Variants in YBEY observed in about 807,000 individuals in gnomAD.
YBEY encodes ybeY metalloendoribonuclease.
In YBEY, 15 loss-of-function variants were observed where a neutral mutation model predicts 13.5. The observed-to-expected ratio is 1.11, with a 90% CI of 0.75 to 1.72. The LOEUF is 1.72. YBEY is among the 40% of genes most tolerant of loss of function. The pLI, the probability that YBEY is intolerant of heterozygous loss-of-function variation, is 0.00. For synonymous variants in YBEY, 101 were observed against 83.1 expected (o/e 1.21, Z -1.17); for missense variants, 244 against 208.4 (o/e 1.17, Z -1.05).
At chr21:46,302,388 T>C (rs1266210439), downstream of YBEY, 12 of 1,115,186 alleles carry the variant, frequency 1.1e-5, no homozygotes, top group Non-Finnish European at 1.4e-5. Context: ...GAGCCAGGAA[T>C]GCCCTTTCAG....
At chr21:46,303,385 AAG>A in the YBEY span, among the ~76,000 whole-genome samples, 1 of 151,880 alleles carries the variant, frequency 6.6e-6, no homozygotes, top group Non-Finnish European at 1.5e-5. Flanking sequence ...AGACACCATG[AAG>A]AGAGTGAAAA....
intron 3 of YBEY, 184 bp downstream of exon 3, chr21:46,291,646 G>T: frequency 3.6e-6 from 5 of 1,392,780 alleles, no homozygotes; most frequent in Non-Finnish European, 4.7e-6. Flanking sequence ...CCATGCCACA[G>T]TTGAAGGAGG....
At chr21:46,295,187 T>G (rs1402677695) in intron 3 of YBEY, among the ~76,000 whole-genome samples, 2 of 151,996 alleles carry the variant, frequency 1.3e-5, no homozygotes, top group Non-Finnish European at 2.9e-5. Flanking sequence ...CCCAGAGCCC[T>G]CTCCTTGGGG....
chr21:46,301,670 A>T, downstream of YBEY: 2 of 1,126,406 alleles, frequency 1.8e-6, no homozygotes, highest in Non-Finnish European at 2.2e-6. Context: ...TACCTCCGTG[A>T]TGGAAGAGGG....
chr21:46,294,359 CCCG>C (rs1443770563), intron 3 of YBEY, among the ~76,000 whole-genome samples: 34 of 74,416 alleles, frequency 4.6e-4, no homozygotes, highest in East Asian at 1.1e-3. Context: ...TTAAATTCCT[CCCG>C]CGGTTAGCCT....
intron 3 of YBEY, among the ~76,000 whole-genome samples, chr21:46,294,480 G>A (rs28547218): frequency 0.048 from 890 of 18,484 alleles, 2 homozygotes; most frequent in African/African-American, 0.055. Context: ...GGACAGCCAC[G>A]CAAGTTAGAC....
In YBEY at chr21:46,286,910, T is replaced by C; in HGVS notation, c.-4T>C. ...TTTTTAAAGGGCTGGTTATTCTTCC[T>C]GAAATGAGTTTGGTGATTAGAAATC... On this transcript the variant is annotated 5_prime_UTR_variant, in exon 2 of 5. Transcript: ENST00000397701. The C allele has an allele frequency of 6.2e-7, 1 of 1,613,802 alleles. No homozygotes were observed. Among genetic ancestry groups the C allele is most frequent in the Non-Finnish European group, 8.5e-7 (1 of 1,179,914 alleles).
intron 3 of YBEY, 64 bp from the exon 4 acceptor site, chr21:46,296,098 T>A: frequency 6.3e-6 from 10 of 1,580,344 alleles, no homozygotes; most frequent in South Asian, 1.1e-5. Flanking sequence ...GGCCCTGGGG[T>A]GGCCCTGAAG....
chr21:46,297,115 AT>A (rs1466167897), intron 4 of YBEY, among the ~76,000 whole-genome samples: 4 of 151,826 alleles, frequency 2.6e-5, no homozygotes, highest in Non-Finnish European at 4.4e-5. Flanking sequence ...TCTGGCCAAC[AT>A]GGTGAAACCC....
chr21:46,302,355 C>T, downstream of YBEY: 1 of 1,060,060 alleles, frequency 9.4e-7, no homozygotes, highest in Non-Finnish European at 1.4e-6. Flanking sequence ...GGGATGGGGG[C>T]TTCACAGCCA....
intron 2 of YBEY, among the ~76,000 whole-genome samples, chr21:46,287,328 GGA>G (rs1258079775): frequency 2.0e-5 from 3 of 151,986 alleles, no homozygotes; most frequent in African/African-American, 7.3e-5. Flanking sequence ...CCAGTAGGTG[GGA>G]CCACAGATGC....
chr21:46,298,434 C>CTTTTTTTTTTTTTTTTTTTTTTTTTT (rs557264546), downstream of YBEY, among the ~76,000 whole-genome samples: 136 of 97,136 alleles, frequency 1.4e-3, 35 homozygotes, highest in African/African-American at 1.8e-3. Context: ...TTAATCCAAG[C>CTTTTTTTTTTTTTTTTTTTTTTTTTT]TTTTTTTTTT....
intron 2 of YBEY, among the ~76,000 whole-genome samples, chr21:46,289,533 CCT>C (rs1354604765): frequency 6.6e-6 from 1 of 151,268 alleles, no homozygotes; most frequent in Non-Finnish European, 1.5e-5. Flanking sequence ...GCAACCTCCA[CCT>C]CTCAGGTCCA....
downstream of YBEY, chr21:46,302,643 G>C (rs914056642): frequency 8.0e-7 from 1 of 1,251,104 alleles, no homozygotes; most frequent in African/African-American, 1.5e-5. Context: ...AAGTGATAGA[G>C]CATTATAGGA....
chr21:46,303,758 T>TTA, the YBEY span, among the ~76,000 whole-genome samples: 1 of 93,576 alleles, frequency 1.1e-5, no homozygotes, highest in Non-Finnish European at 2.3e-5. Flanking sequence ...TTTTTTTTTT[T>TTA]TTTTTTTTTT....
chr21:46,296,965 C>T (rs2081972280), intron 4 of YBEY, among the ~76,000 whole-genome samples: 1 of 149,218 alleles, frequency 6.7e-6, no homozygotes, highest in Admixed American at 6.7e-5. Flanking sequence ...CATTGCACTC[C>T]AGCCTGGGCA....
chr21:46,294,418 C>G (rs536403389), intron 3 of YBEY, among the ~76,000 whole-genome samples: 11 of 77,092 alleles, frequency 1.4e-4, no homozygotes, highest in African/African-American at 3.2e-4. Flanking sequence ...AAGTTAAACT[C>G]TAGATTAAAT....
chr21:46,303,708 AATATAT>A, the YBEY span, among the ~76,000 whole-genome samples: 78 of 37,242 alleles, frequency 2.1e-3, no homozygotes, highest in African/African-American at 3.8e-3. Context: ...ACACACACAA[AATATAT>A]ATATATATAT....
chr21:46,292,443 G>C (rs570087163), intron 3 of YBEY, among the ~76,000 whole-genome samples: 2 of 152,306 alleles, frequency 1.3e-5, no homozygotes, highest in Admixed American at 6.5e-5. Flanking sequence ...GAGCAAGGAG[G>C]GGATTCGTTT....
Sources: gnomAD v4.1 joint callset for allele counts (sites outside exome capture counted in the v4.1 genomes callset) on GRCh38, gnomAD v4.1.1 for gene constraint, MANE v1.5 for transcripts, NCBI Gene and HGNC (gene_info 2026-07-23, HGNC 2026-07-21) for gene names.